Variants in AADACL2 observed in about 807,000 individuals in gnomAD.
AADACL2 encodes the protein arylacetamide deacetylase like 2.
AADACL2 carries 23 observed loss-of-function variants against 22.3 expected under a neutral mutation model. The ratio of observed to expected loss-of-function variants is 1.03; its 90% CI spans 0.74 to 1.46. The LOEUF (loss-of-function observed/expected upper bound fraction) is 1.46, where lower values mean the gene tolerates loss of function less well. Ranked by LOEUF, AADACL2 falls within the 40% of genes most tolerant of loss-of-function variation. AADACL2 has a pLI of 0.00. For synonymous variants in AADACL2, 177 were observed against 166.2 expected, an observed-to-expected ratio of 1.07 and a Z score of -0.50; for missense variants, 472 against 482.9, an observed-to-expected ratio of 0.98 and a Z score of 0.21.
At chr3:151,753,272 C>A (rs549709638) in intron 4 of AADACL2, among the ~76,000 whole-genome samples, 13 of 152,080 alleles carry the variant, frequency 8.5e-5, no homozygotes, top group Non-Finnish European at 1.8e-4. Context: ...GTGAGTCCTG[C>A]ACTTCTGAGT....
chr3:151,756,858 T>A, intron 4 of AADACL2, 134 bp from the exon 5 acceptor site: 1 of 617,992 alleles, frequency 1.6e-6, no homozygotes, highest in Admixed American at 4.1e-5. Flanking sequence ...ATTATAAATA[T>A]TATAAAAATA....
Position 151,744,095 on chromosome 3 carries a change from C to T in AADACL2, c.364C>T (p.Gln122Ter). ...GGGFCFGSSK[Q>*]RAFDFLNRWT... ...TGATGTTTATTTCTTCATTTCAGAACAGAGGGCTTTTGACTTCCTGAATAG... is the reference window on the plus strand; with the variant it reads ...TGATGTTTATTTCTTCATTTCAGAATAGAGGGCTTTTGACTTCCTGAATAG... The change falls in exon 3 of 5, where the codon CAG becomes TAG. Residue 122 changes from glutamine (Q) to a stop codon, truncating the protein, a stop_gained and splice_region_variant. Coordinates refer to ENST00000356517, the MANE Select transcript of AADACL2 (RefSeq NM_207365.4). LOFTEE classifies it high-confidence loss of function. 1 of 1,613,458 alleles carries T rather than the reference C, an allele frequency of 6.2e-7. No homozygotes were observed. The highest frequency in any genetic ancestry group is 8.5e-7 in the Non-Finnish European group (1 of 1,179,596).
chr3:151,749,015 A>G (rs1434890003), intron 4 of AADACL2, among the ~76,000 whole-genome samples: 3 of 151,504 alleles, frequency 2.0e-5, no homozygotes, highest in Non-Finnish European at 4.4e-5. Flanking sequence ...TCAAGATTAT[A>G]TTGACTATTC....
intron 4 of AADACL2, among the ~76,000 whole-genome samples, chr3:151,755,467 A>T (rs976913610): frequency 3.9e-5 from 6 of 152,186 alleles, no homozygotes; most frequent in Admixed American, 3.9e-4. Context: ...TATATATAAA[A>T]TGTGTAGAAA....
intron 4 of AADACL2, among the ~76,000 whole-genome samples, chr3:151,750,019 T>C (rs1341755447): frequency 6.6e-6 from 1 of 152,220 alleles, no homozygotes; most frequent in Non-Finnish European, 1.5e-5. Flanking sequence ...GTACTTTACA[T>C]ATAATTTGTT....
At chr3:151,741,567 T>TTTC (rs1713278632) in intron 2 of AADACL2, among the ~76,000 whole-genome samples, 1 of 152,268 alleles carries the variant, frequency 6.6e-6, no homozygotes, top group African/African-American at 2.4e-5. Flanking sequence ...TTCTTAATGT[T>TTTC]TTCAATACAT....
Position 151,758,173 on chromosome 3 carries a change from G to A in AADACL2, c.*579G>A, listed in dbSNP as rs1413299685. ...AGGCAAGAGACATGACTCCCTTGGA[G>A]ACTCTCTAGAAGGTGCTCTTTGCCT... On this transcript the variant is annotated 3_prime_UTR_variant, in exon 5 of 5. Transcript: ENST00000356517. The A allele has an allele frequency of 6.6e-6, 1 of 152,358 alleles. No homozygotes were observed. Among genetic ancestry groups the A allele is most frequent in the Non-Finnish European group, 1.5e-5 (1 of 68,184 alleles). The allele number at this position is 152,358 out of a possible 1,614,324, so 9.4% of individuals were successfully genotyped here.
intron 4 of AADACL2, among the ~76,000 whole-genome samples, chr3:151,746,741 C>T (rs1158867466): frequency 1.3e-5 from 2 of 151,952 alleles, no homozygotes; most frequent in African/African-American, 2.4e-5. Flanking sequence ...GTAAATTATG[C>T]CAATTGACTT....
At position 151,757,041 on chromosome 3, in the gene AADACL2, T is replaced by G. The variant is rs1370451531; in HGVS notation, c.653T>G (p.Leu218Arg). The change falls in exon 5 of 5, where the codon CTT becomes CGT. Residue 218 changes from leucine (L) to arginine (R), a missense_variant. Physicochemically the swap from Leu to Arg is moderately radical, Grantham distance 102 (BLOSUM62 -2). This residue lies in a region of AADACL2 where 356 missense variants were observed against 365.5 expected (regional missense o/e 0.97). Transcript: ENST00000356517. ...CATAAAATCAAGATGCAAGTCTTAC[T>G]TTACCCTGGCTTACAGATAACAGAT... ...IKHKIKMQVL[L>R]YPGLQITDSY... The G allele has an allele frequency of 2.5e-6, 4 of 1,611,878 alleles. No individual in the cohort carries two copies. The highest frequency in any genetic ancestry group is 2.5e-6 in the Non-Finnish European group (3 of 1,179,272).
chr3:151,750,418 T>C (rs952205594), intron 4 of AADACL2, among the ~76,000 whole-genome samples: 2 of 152,196 alleles, frequency 1.3e-5, no homozygotes, highest in Admixed American at 1.3e-4. Context: ...TGTTCATCAC[T>C]TCCTCCACCT....
At chr3:151,753,349 T>A (rs977547) in intron 4 of AADACL2, among the ~76,000 whole-genome samples, 2 of 151,880 alleles carry the variant, frequency 1.3e-5, no homozygotes, top group African/African-American at 4.8e-5. Context: ...AGGGGAAGAA[T>A]AAAGATCAGG....
intron 4 of AADACL2, among the ~76,000 whole-genome samples, chr3:151,748,486 C>T (rs1256977482): frequency 1.3e-5 from 2 of 152,168 alleles, no homozygotes; most frequent in Non-Finnish European, 2.9e-5. Context: ...AATGTGGCAG[C>T]ATTGAAAGAC....
Position 151,758,536 on chromosome 3 carries a change from C to T in AADACL2, c.*942C>T, listed in dbSNP as rs1714037527. On this transcript the variant is annotated 3_prime_UTR_variant, in exon 5 of 5. Transcript: ENST00000356517. ...TAAAAATATTTTTTAAAGGAGGCAG[C>T]AGATCAATATTATAATTCAAGAATC... is the stretch of plus-strand genomic sequence containing the variant. 1.0e-5 allele frequency: 1 copy of T among 95,622 alleles called. No individual in the cohort carries two copies. The highest frequency in any genetic ancestry group is 4.5e-5 in the African/African-American group (1 of 22,462). The allele number at this position is 95,622 out of a possible 1,614,324, so 5.9% of individuals were successfully genotyped here.
At chr3:151,754,140 A>T (rs952165871) in intron 4 of AADACL2, among the ~76,000 whole-genome samples, 1 of 152,126 alleles carries the variant, frequency 6.6e-6, no homozygotes, top group African/African-American at 2.4e-5. Context: ...CTTTGTTACC[A>T]GCTTCCTTTC....
chr3:151,753,446 G>T (rs556808037), intron 4 of AADACL2, among the ~76,000 whole-genome samples: 1 of 152,238 alleles, frequency 6.6e-6, no homozygotes, highest in Non-Finnish European at 1.5e-5. Context: ...TTCCAGCATG[G>T]TTGGAACATG....
In AADACL2 at chr3:151,757,274, G is replaced by T. The variant is rs1312758204; in HGVS notation, c.886G>T (p.Val296Leu). 6.2e-7 allele frequency: 1 copy of T among 1,613,706 alleles called. No individual in the cohort carries two copies. ...TCCTGAGAAGTATAGAAAAGACTAT[G>T]TATATACTGAACCAATTCTTGGAGG... is the stretch of plus-strand genomic sequence containing the variant. ...LLPEKYRKDYVYTEPILGGLS... is the reference protein window; with the variant it reads ...LLPEKYRKDYLYTEPILGGLS... Residue 296 changes from valine to leucine, a missense_variant, in exon 5 of 5, where the codon GTA (valine) becomes TTA (leucine). Around this residue, in one of 3 missense-constraint regions of AADACL2, gnomAD observed 356 missense variants for 365.5 expected, o/e 0.97. Transcript: ENST00000356517.
intron 4 of AADACL2, among the ~76,000 whole-genome samples, chr3:151,746,994 C>T (rs1713472636): frequency 6.6e-6 from 1 of 151,720 alleles, no homozygotes; most frequent in Non-Finnish European, 1.5e-5. Context: ...ACCTCTGCCA[C>T]CTGTCTTTGT....
At chr3:151,747,745 G>A (rs1454381094) in intron 4 of AADACL2, among the ~76,000 whole-genome samples, 2 of 151,962 alleles carry the variant, frequency 1.3e-5, no homozygotes, top group South Asian at 2.1e-4. Context: ...ATGAATATGC[G>A]AGTACAGATA....
intron 1 of AADACL2, among the ~76,000 whole-genome samples, chr3:151,735,760 A>G (rs1713067637): frequency 6.6e-6 from 1 of 152,254 alleles, no homozygotes; most frequent in Non-Finnish European, 1.5e-5. Flanking sequence ...TCCTTCTCAA[A>G]AAATAAAAAA....
Sources: gnomAD v4.1 joint callset for allele counts (sites outside exome capture counted in the v4.1 genomes callset) on GRCh38, gnomAD v4.1.1 for gene constraint, gnomAD v4.1.1 regional missense constraint, MANE v1.5 for transcripts, NCBI Gene and HGNC (gene_info 2026-07-23, HGNC 2026-07-21) for gene names.